CYBC1: variants seen among roughly 807,000 people sequenced by gnomAD.
CYBC1 encodes essential for reactive oxygen species protein.
CYBC1 carries 22 observed loss-of-function variants against 21.7 expected under a neutral mutation model. The observed-to-expected ratio is 1.02, with a 90% CI of 0.73 to 1.45. The LOEUF (loss-of-function observed/expected upper bound fraction) is 1.45. Among genes scored for constraint, CYBC1 ranks in the 40% most tolerant of loss-of-function variants. The pLI is 0.00. For synonymous variants in CYBC1, 112 were observed against 98.7 expected, an observed-to-expected ratio of 1.13 and a Z score of -0.80; for missense variants, 237 against 242.1, an observed-to-expected ratio of 0.98 and a Z score of 0.14.
chr17:82,445,265 G>T (rs1203528721), intron 5 of CYBC1: 1 of 154,458 alleles, frequency 6.5e-6, no homozygotes, highest in Non-Finnish European at 1.4e-5. Flanking sequence ...GCATCTACAG[G>T]AAACTGGTAC....
rs116508171 is a variant in CYBC1 at position 82,444,921 on chromosome 17, G to A, written c.299-330C>T. ...TGTTCCTCCAGGTCTCCCCAAGGTT[G>A]GCTGCTGAGCCAGGGCCACCCTGCA... On this transcript the variant is annotated intron_variant, in intron 5 of 6. Coordinates refer to ENST00000306645, the MANE Select transcript of CYBC1 (RefSeq NM_001033046.4). 953 of 238,288 alleles carry A rather than the reference G, an allele frequency of 4.0e-3. 16 individuals are homozygous for A. The highest frequency in any genetic ancestry group is 0.02 in the African/African-American group (890 of 44,524). 14.8% of individuals were successfully genotyped at this position (238,288 alleles called of 1,614,324 possible). A position where few individuals can be genotyped will look rare whatever the true frequency, so the allele number is the denominator to read the frequency against.
chr17:82,446,121 G>A (rs1196677727), intron 4 of CYBC1, among the ~76,000 whole-genome samples, 161 bp from the exon 5 acceptor site: 1 of 152,232 alleles, frequency 6.6e-6, no homozygotes, highest in African/African-American at 2.4e-5. Context: ...GTGCTGCTCT[G>A]TCAGAGCCGG....
At chr17:82,447,710 G>A in intron 2 of CYBC1, 89 bp from the exon 3 acceptor site, 1 of 1,170,088 alleles carries the variant, frequency 8.5e-7, no homozygotes, top group Non-Finnish European at 1.2e-6. Flanking sequence ...AGCCCCTGAT[G>A]AGCAGGCCCT....
In CYBC1 at chr17:82,443,245, G is replaced by A. The variant is rs2054076117; in HGVS notation, c.*759C>T. The A allele has an allele frequency of 2.8e-6, 1 of 352,828 alleles. No individual in the cohort carries two copies. Among genetic ancestry groups the A allele is most frequent in the South Asian group, 2.2e-5 (1 of 45,668 alleles). 21.9% of individuals were successfully genotyped at this position (352,828 alleles called of 1,614,324 possible). On this transcript the variant is annotated 3_prime_UTR_variant, in exon 7 of 7. Coordinates refer to ENST00000306645, the MANE Select transcript of CYBC1 (RefSeq NM_001033046.4). This position sits in a 1 kb window ranked among gnomAD's most constrained non-coding sequence, Gnocchi z 6.7. ...GGTTTTTAAGCACTGCACGATACTA[G>A]AAGAGCTGACCTTTTTTCTGGCCTC...
chr17:82,446,031 C>A lies in CYBC1; in HGVS notation c.202-71G>T, dbSNP rs1253927500. On this transcript the variant is annotated intron_variant, in intron 4 of 6. Transcript: ENST00000306645. Reference sequence around the variant, plus strand: ...GGCCCCGTGGCCGCTGGGGCCTCACCCCCACCCTCACCAGGGTGGACACTC... The same window carrying A: ...GGCCCCGTGGCCGCTGGGGCCTCACACCCACCCTCACCAGGGTGGACACTC... 7 of 1,245,436 alleles carry A rather than the reference C, an allele frequency of 5.6e-6. No individual in the cohort carries two copies. The African/African-American group carries it at 8.9e-5, about 16-fold the overall frequency. 77.1% of individuals were successfully genotyped at this position (1,245,436 alleles called of 1,614,324 possible).
chr17:82,449,156 G>C lies in CYBC1; in HGVS notation c.85+14C>G. 1 of 1,551,560 alleles carries C rather than the reference G, an allele frequency of 6.4e-7. No individual in the cohort carries two copies. Among genetic ancestry groups the C allele is most frequent in the Admixed American group, 2.1e-5 (1 of 46,742 alleles). On this transcript the variant is annotated intron_variant, in intron 2 of 6. Coordinates refer to ENST00000306645, the MANE Select transcript of CYBC1 (RefSeq NM_001033046.4). ...CGGTTCTGGGGTTCTGGGGAGGGAC[G>C]TGGAGAGCCTTACCAACCAGCAGGG...
chr17:82,446,020 T>A, intron 4 of CYBC1, 60 bp from the exon 5 acceptor site: 1 of 1,364,436 alleles, frequency 7.3e-7, no homozygotes, highest in South Asian at 1.2e-5. Context: ...CCGTGGCCGC[T>A]GGGGCCTCAC....
chr17:82,446,982 C>T (rs1026033435), intron 3 of CYBC1: 5 of 515,190 alleles, frequency 9.7e-6, no homozygotes, highest in Non-Finnish European at 1.4e-5. Context: ...AAGTACACCT[C>T]ATCCCACAGC....
intron 3 of CYBC1, chr17:82,447,251 G>A: frequency 2.5e-6 from 1 of 398,696 alleles, no homozygotes; most frequent in South Asian, 2.4e-5. Context: ...TACTTGGGAG[G>A]CTGAGGCAGG....
At chr17:82,448,282 C>T (rs1038006316) in intron 2 of CYBC1, 1 of 170,382 alleles carries the variant, frequency 5.9e-6, no homozygotes, top group African/African-American at 2.4e-5. Context: ...GTCTGAGGAC[C>T]AGGGAGGAGG....
Position 82,447,158 on chromosome 17 carries a change from C to G in CYBC1, c.127+422G>C, listed in dbSNP as rs528296470. The G allele has an allele frequency of 2.7e-3, 827 of 302,346 alleles. 2 individuals carry two copies. Among genetic ancestry groups the G allele is most frequent in the Non-Finnish European group, 4.3e-3 (678 of 158,816 alleles). 18.7% of individuals were successfully genotyped at this position (302,346 alleles called of 1,614,324 possible). The stretch of plus-strand genomic sequence containing the variant: ...CACGAGGTCAGGAGATCGAGACCAT[C>G]CCGGCTAAAACGGTGAAACCCCGTC... On this transcript the variant is annotated intron_variant, in intron 3 of 6. Coordinates refer to ENST00000306645, the MANE Select transcript of CYBC1 (RefSeq NM_001033046.4).
intron 2 of CYBC1, 187 bp from the exon 3 acceptor site, chr17:82,447,808 A>C (rs1003312549): frequency 5.4e-5 from 35 of 652,184 alleles, no homozygotes; most frequent in Non-Finnish European, 1.6e-5. Flanking sequence ...TCAATAATGC[A>C]GTATAGCTGG....
chr17:82,443,691 T>C lies in CYBC1; in HGVS notation c.*313A>G. The C allele has an allele frequency of 1.3e-6, 1 of 771,092 alleles. No homozygotes were observed. The highest frequency in any genetic ancestry group is 1.7e-5 in the African/African-American group (1 of 59,428). The allele number at this position is 771,092 out of a possible 1,614,324, so 47.8% of individuals were successfully genotyped here. On this transcript the variant is annotated 3_prime_UTR_variant, in exon 7 of 7. Transcript: ENST00000306645. This position sits in a 1 kb window ranked among gnomAD's most constrained non-coding sequence, Gnocchi z 6.7. ...CTGGATGTCCTGGTCTGGCCTGCTG[T>C]TTCATGCAGTGTGCAAGCAGCAGCA... is the stretch of plus-strand genomic sequence containing the variant.
rs1369676265 is a variant in CYBC1, at chr17:82,449,156, GT to G, written c.85+13del. ...CGGTTCTGGGGTTCTGGGGAGGGAC[GT>G]GGAGAGCCTTACCAACCAGCAGGGA... On this transcript the variant is annotated intron_variant, in intron 2 of 6. Coordinates refer to ENST00000306645, the MANE Select transcript of CYBC1 (RefSeq NM_001033046.4). 1.0e-5 allele frequency: 16 copies of G among 1,551,442 alleles called. No homozygotes were observed. The highest frequency in any genetic ancestry group is 1.4e-5 in the African/African-American group (1 of 72,586).
chr17:82,445,998 G>C (rs779453285), intron 4 of CYBC1, 38 bp from the exon 5 acceptor site: 14 of 1,594,380 alleles, frequency 8.8e-6, no homozygotes, highest in Non-Finnish European at 1.2e-5. Context: ...TGAACCTCCA[G>C]GAACGGGGGC....
Position 82,443,540 on chromosome 17 carries a change from C to T in CYBC1, c.*464G>A. The stretch of plus-strand genomic sequence containing the variant: ...GGACAACATGCAGCATCAGCACCCA[C>T]AAGGGCCCGGCCTGGCCCCGCCTCT... On this transcript the variant is annotated 3_prime_UTR_variant, in exon 7 of 7. Transcript: ENST00000306645. This position sits in a 1 kb window ranked among gnomAD's most constrained non-coding sequence, Gnocchi z 6.7. 2 of 701,380 alleles carry T rather than the reference C, an allele frequency of 2.9e-6. No individual in the cohort carries two copies. Among genetic ancestry groups the T allele is most frequent in the Non-Finnish European group, 5.2e-6 (2 of 384,630 alleles). The allele number at this position is 701,380 out of a possible 1,614,324, so 43.4% of individuals were successfully genotyped here. A position where few individuals can be genotyped will look rare whatever the true frequency, so the allele number is the denominator to read the frequency against.
Position 82,449,309 on chromosome 17 carries a change from G to A in CYBC1, c.-38-17C>T, listed in dbSNP as rs2143757539. ...AGGAGGGGTCTGGGAACAGACAGAG[G>A]CAGCTGAGCCCTTGGGCCTGCACAC... is the stretch of plus-strand genomic sequence containing the variant. On this transcript the variant is annotated splice_polypyrimidine_tract_variant and intron_variant, in intron 1 of 6. Transcript: ENST00000306645. 1 of 1,421,660 alleles carries A rather than the reference G, an allele frequency of 7.0e-7. No homozygotes were observed. Among genetic ancestry groups the A allele is most frequent in the Non-Finnish European group, 9.4e-7 (1 of 1,063,782 alleles). 88.1% of individuals were successfully genotyped at this position (1,421,660 alleles called of 1,614,324 possible).
In CYBC1 at chr17:82,442,810, T is replaced by C; in HGVS notation, c.*1194A>G. 1.9e-6 allele frequency: 1 copy of C among 518,738 alleles called. No individual in the cohort carries two copies. Among genetic ancestry groups the C allele is most frequent in the South Asian group, 3.0e-5 (1 of 33,870 alleles). The allele number at this position is 518,738 out of a possible 1,614,324, so 32.1% of individuals were successfully genotyped here. A position where few individuals can be genotyped will look rare whatever the true frequency, so the allele number is the denominator to read the frequency against. ...TGTCCTACCCAGCCATTCCTGGGCC[T>C]GCCGCCTAGGGGCTCACAGGGCCCA... On this transcript the variant is annotated 3_prime_UTR_variant, in exon 7 of 7. Coordinates refer to ENST00000306645, the MANE Select transcript of CYBC1 (RefSeq NM_001033046.4). The surrounding 1 kb of genome is among the most constrained non-coding windows in gnomAD (Gnocchi z 6.8).
chr17:82,445,723 G>A, intron 5 of CYBC1, 141 bp downstream of exon 5: 2 of 618,088 alleles, frequency 3.2e-6, no homozygotes, highest in African/African-American at 1.9e-5. Context: ...CAGCGGGCAG[G>A]ACACAACCCT....
Sources: allele counts gnomAD v4.1 joint callset (sites outside exome capture counted in the v4.1 genomes callset), GRCh38; gene constraint gnomAD v4.1.1; non-coding constraint Gnocchi (gnomAD v3.1); transcripts MANE v1.5; gene names NCBI Gene and HGNC (gene_info 2026-07-23, HGNC 2026-07-21).